Variants in BCAS1 observed in about 807,000 individuals in gnomAD.
BCAS1 encodes the protein brain enriched myelin associated protein 1, also known as breast carcinoma-amplified sequence 1.
BCAS1 carries 46 observed loss-of-function variants against 65.4 expected under a neutral mutation model. That is an observed-to-expected ratio of 0.70 (90% CI 0.55 to 0.90). The LOEUF (loss-of-function observed/expected upper bound fraction) is 0.90, where lower values mean the gene tolerates loss of function less well. BCAS1 is among the 40% of genes least tolerant of loss of function. The pLI, the probability that BCAS1 is intolerant of heterozygous loss-of-function variation, is 0.00. For missense variants in BCAS1, 793 were observed against 771.2 expected (o/e 1.03, Z -0.33); for synonymous variants, 298 against 293.5 (o/e 1.02, Z -0.16).
chr20:53,985,829 G>A (rs1384288336), intron 7 of BCAS1, among the ~76,000 whole-genome samples: 4 of 152,102 alleles, frequency 2.6e-5, no homozygotes, highest in African/African-American at 7.2e-5. Context: ...TCTCCAAATG[G>A]TTTCAATCAA....
At chr20:54,026,127 C>G (rs1382335695) in intron 4 of BCAS1, among the ~76,000 whole-genome samples, 1 of 152,164 alleles carries the variant, frequency 6.6e-6, no homozygotes, top group Non-Finnish European at 1.5e-5. Context: ...ACTGGTGAAT[C>G]TGAGGGAGTG....
intron 3 of BCAS1, among the ~76,000 whole-genome samples, chr20:54,043,127 T>A (rs1321569612): frequency 2.0e-5 from 3 of 152,200 alleles, no homozygotes; most frequent in African/African-American, 7.2e-5. Context: ...GACAGAAAGC[T>A]GCAAAGGGGG....
chr20:53,992,670 C>T (rs1025678939), intron 6 of BCAS1, 24 bp from the exon 7 acceptor site: 2 of 1,364,516 alleles, frequency 1.5e-6, no homozygotes, highest in African/African-American at 1.5e-5. Context: ...GCAGTCACAA[C>T]CTCAGAACTT....
At chr20:54,031,473 G>A (rs1302333525) in intron 3 of BCAS1, among the ~76,000 whole-genome samples, 1 of 151,224 alleles carries the variant, frequency 6.6e-6, no homozygotes, top group African/African-American at 2.4e-5. Context: ...ATCACCTGGG[G>A]CTTCTATTTC....
chr20:53,991,413 T>C (rs1371772042), intron 7 of BCAS1, among the ~76,000 whole-genome samples: 1 of 152,254 alleles, frequency 6.6e-6, no homozygotes, highest in African/African-American at 2.4e-5. Flanking sequence ...GAACTTTCTA[T>C]GGAGTGCTTA....
At chr20:53,977,734 G>A (rs1600761456) in intron 8 of BCAS1, among the ~76,000 whole-genome samples, 1 of 152,084 alleles carries the variant, frequency 6.6e-6, no homozygotes, top group African/African-American at 2.4e-5. Context: ...TTTAAGTCTG[G>A]CATTATAAAT....
At chr20:54,067,687 C>G (rs1437596879) in intron 1 of BCAS1, among the ~76,000 whole-genome samples, 1 of 152,168 alleles carries the variant, frequency 6.6e-6, no homozygotes, top group Admixed American at 6.5e-5. Flanking sequence ...AAACGCCAAA[C>G]CCCATGCAAG....
At chr20:54,033,890 A>T (rs897325357) in intron 3 of BCAS1, among the ~76,000 whole-genome samples, 3 of 151,422 alleles carry the variant, frequency 2.0e-5, no homozygotes, top group Non-Finnish European at 3.0e-5. Context: ...CAATGCAAAA[A>T]TCCTCAATAA....
intron 2 of BCAS1, 124 bp downstream of exon 2, chr20:54,058,523 C>T: frequency 6.7e-7 from 1 of 1,487,128 alleles, no homozygotes; most frequent in South Asian, 1.4e-5. Context: ...GCTCCACTGT[C>T]TTGCACACAC....
chr20:54,009,050 T>C (rs2091265941), intron 4 of BCAS1, among the ~76,000 whole-genome samples: 1 of 152,158 alleles, frequency 6.6e-6, no homozygotes, highest in Non-Finnish European at 1.5e-5. Context: ...TAAACTCAAG[T>C]GATCTGCCCG....
chr20:53,973,415 G>A (rs1473837729), intron 9 of BCAS1, among the ~76,000 whole-genome samples: 4 of 152,010 alleles, frequency 2.6e-5, no homozygotes, highest in African/African-American at 4.8e-5. Context: ...GTTTGGTGTC[G>A]ATAATTTAAC....
At chr20:54,038,688 T>C (rs751205799) in intron 3 of BCAS1, among the ~76,000 whole-genome samples, 1 of 151,426 alleles carries the variant, frequency 6.6e-6, no homozygotes, top group Non-Finnish European at 1.5e-5. Flanking sequence ...GGAACTATCA[T>C]TATAATTTTA....
Position 53,944,315 on chromosome 20 carries a change from CTT to C in BCAS1, c.*605_*606del, listed in dbSNP as rs34484335. On this transcript the variant is annotated 3_prime_UTR_variant, in exon 13 of 13. Transcript: ENST00000688948. ...TCTTCTATAACTTACTTGCCACTGC[CTT>C]TTTTTTTTTTTGATAGAATCTTGCT... 27,151 of 148,532 alleles carry C rather than the reference CTT, an allele frequency of 0.18. 3,079 individuals are homozygous for C. Among genetic ancestry groups the C allele is most frequent in the East Asian group, 0.37 (1,882 of 5,114 alleles). 9.2% of individuals were successfully genotyped at this position (148,532 alleles called of 1,614,324 possible).
chr20:54,023,718 T>G (rs1358418531), intron 4 of BCAS1, among the ~76,000 whole-genome samples: 1 of 152,176 alleles, frequency 6.6e-6, no homozygotes, highest in Admixed American at 6.5e-5. Context: ...GAGGAAACAT[T>G]GTGGAAACCC....
intron 3 of BCAS1, among the ~76,000 whole-genome samples, chr20:54,038,249 T>A (rs2091931927): frequency 6.6e-6 from 1 of 151,406 alleles, no homozygotes; most frequent in Non-Finnish European, 1.5e-5. Context: ...TGTCAGGCCT[T>A]CCCTGACTCC....
chr20:54,064,349 C>T (rs900564631), intron 1 of BCAS1, among the ~76,000 whole-genome samples: 3 of 152,178 alleles, frequency 2.0e-5, no homozygotes, highest in African/African-American at 7.2e-5. Flanking sequence ...CTGCTGCCTA[C>T]CCTGACCTAG....
intron 7 of BCAS1, among the ~76,000 whole-genome samples, chr20:53,991,245 G>A (rs2090751925): frequency 6.6e-6 from 1 of 152,174 alleles, no homozygotes; most frequent in South Asian, 2.1e-4. Flanking sequence ...CAGTTACTAA[G>A]TTATGTGATG....
At chr20:53,966,475 GGGGAGAAGGTT>G (rs1398504891) in intron 10 of BCAS1, among the ~76,000 whole-genome samples, 5 of 152,172 alleles carry the variant, frequency 3.3e-5, no homozygotes, top group Non-Finnish European at 5.9e-5. Context: ...TGGGGACTCA[GGGGAGAAGGTT>G]GGGAGAAGGG....
At chr20:54,017,378 A>G (rs796336146) in intron 4 of BCAS1, among the ~76,000 whole-genome samples, 10 of 149,702 alleles carry the variant, frequency 6.7e-5, no homozygotes, top group African/African-American at 2.2e-4. Context: ...TAGTTCCCTT[A>G]TGTGTGATTT....
Sources: gnomAD v4.1 joint callset for allele counts (sites outside exome capture counted in the v4.1 genomes callset) on GRCh38, gnomAD v4.1.1 for gene constraint, MANE v1.5 for transcripts, NCBI Gene and HGNC (gene_info 2026-07-23, HGNC 2026-07-21) for gene names.